Variants in PTPN3 observed in about 807,000 individuals in gnomAD.
The protein encoded by PTPN3 is tyrosine-protein phosphatase non-receptor type 3.
PTPN3 carries 96 observed loss-of-function variants against 132.7 expected under a neutral mutation model. That is an observed-to-expected ratio of 0.72 (90% CI 0.61 to 0.86). The LOEUF is 0.86. PTPN3 is among the 40% of genes least tolerant of loss of function. The pLI is 0.00. For missense variants in PTPN3, 1,125 were observed against 1,159.6 expected, an observed-to-expected ratio of 0.97 and a Z score of 0.43; for synonymous variants, 398 against 429.0, an observed-to-expected ratio of 0.93 and a Z score of 0.89.
chr9:109,481,029 A>G (rs1453546176), intron 1 of PTPN3, among the ~76,000 whole-genome samples: 3 of 152,220 alleles, frequency 2.0e-5, no homozygotes, highest in African/African-American at 7.2e-5. Context: ...CTCTTTCATA[A>G]CAAAGGAAAT....
intron 14 of PTPN3, among the ~76,000 whole-genome samples, chr9:109,418,858 C>T (rs1415635121): frequency 6.6e-6 from 1 of 152,200 alleles, no homozygotes; most frequent in East Asian, 1.9e-4. Flanking sequence ...GACTGCAAAC[C>T]ACCACAGGAA....
At chr9:109,451,996 A>C (rs1845277668) in intron 5 of PTPN3, among the ~76,000 whole-genome samples, 1 of 152,208 alleles carries the variant, frequency 6.6e-6, no homozygotes, top group Non-Finnish European at 1.5e-5. Flanking sequence ...AAGGCCGGGC[A>C]CAGAGGCTCA....
At chr9:109,509,696 C>T in the PTPN3 span, among the ~76,000 whole-genome samples, 1 of 152,142 alleles carries the variant, frequency 6.6e-6, no homozygotes, top group Admixed American at 6.6e-5. Context: ...TAAAAATGTG[C>T]ATAATACTAG....
At chr9:109,385,076 T>C (rs1839456513) in intron 22 of PTPN3, among the ~76,000 whole-genome samples, 1 of 152,224 alleles carries the variant, frequency 6.6e-6, no homozygotes, top group African/African-American at 2.4e-5. Context: ...AGATATTCTC[T>C]GATGAGATCA....
In PTPN3 at chr9:109,389,235, G is replaced by A. The variant is rs1027223044; in HGVS notation, c.2251C>T (p.Arg751Trp). The A allele has an allele frequency of 1.1e-5, 18 of 1,613,872 alleles. No individual in the cohort carries two copies. The highest frequency in any genetic ancestry group is 3.3e-5 in the Admixed American group (2 of 59,978). ...VMLTTLTERGRTKCHQYWPDP... is the reference protein window; with the variant it reads ...VMLTTLTERGWTKCHQYWPDP... ...GAATTAGAAATCAAGCTACTTACCCGCCCTCGTTCTGTGAGAGTCGTCAAC... is the reference window on the plus strand; with the variant it reads ...GAATTAGAAATCAAGCTACTTACCCACCCTCGTTCTGTGAGAGTCGTCAAC... Residue 751 changes from arginine (R) to tryptophan (W), a missense_variant and splice_region_variant, in exon 22 of 26, where the codon CGG becomes TGG. By Grantham distance (101) the Arg-to-Trp change is moderately radical. Transcript: ENST00000374541.
At chr9:109,458,552 T>C (rs557098824) in intron 2 of PTPN3, among the ~76,000 whole-genome samples, 2 of 152,268 alleles carry the variant, frequency 1.3e-5, no homozygotes, top group East Asian at 1.9e-4. Flanking sequence ...GTGACCAGCA[T>C]TGGGAGAATT....
chr9:109,485,421 C>T lies in PTPN3; in HGVS notation c.-18+12798G>A, dbSNP rs376826871. ...TACGCGGGAGGCTGAGGCAGGAGAACGGCGTGAACCTGGGAGGCGGAGCTT... is the reference window on the plus strand; with the variant it reads ...TACGCGGGAGGCTGAGGCAGGAGAATGGCGTGAACCTGGGAGGCGGAGCTT... On this transcript the variant is annotated intron_variant, in intron 1 of 25. Coordinates refer to ENST00000374541, the MANE Select transcript of PTPN3 (RefSeq NM_002829.4). 3.6e-3 allele frequency among the ~76,000 whole-genome samples: 552 copies of T among 152,052 alleles called. 4 individuals are homozygous for T. The highest frequency in any genetic ancestry group is 0.013 in the African/African-American group (522 of 41,484).
intron 2 of PTPN3, among the ~76,000 whole-genome samples, chr9:109,461,268 T>C (rs374691534): frequency 2.6e-5 from 4 of 152,172 alleles, no homozygotes; most frequent in Middle Eastern, 3.4e-3. Context: ...CGGGGAGCCA[T>C]TACAATACAG....
intron 14 of PTPN3, among the ~76,000 whole-genome samples, chr9:109,416,439 G>GT (rs1564415416): frequency 7.1e-6 from 1 of 140,360 alleles, no homozygotes; most frequent in South Asian, 2.2e-4. Context: ...TTTGTTTTTT[G>GT]TTTTTTTGTT....
At position 109,494,770 on chromosome 9, in the gene PTPN3, C is replaced by T. The variant is rs182050554; in HGVS notation, c.-18+3449G>A. Among the ~76,000 whole-genome samples the T allele has an allele frequency of 2.6e-5, 4 of 152,174 alleles. No individual in the cohort carries two copies. The East Asian group carries it at 7.7e-4, about 29-fold the overall frequency. On this transcript the variant is annotated intron_variant, in intron 1 of 25. Coordinates refer to ENST00000374541, the MANE Select transcript of PTPN3 (RefSeq NM_002829.4). ...CATATACAAACTGTCTTTCCAAATC[C>T]ACCATGAATCCTTCCAAGGCAGGGG...
chr9:109,527,218 TG>T, the PTPN3 span, among the ~76,000 whole-genome samples: 1 of 152,234 alleles, frequency 6.6e-6, no homozygotes, highest in Non-Finnish European at 1.5e-5. Flanking sequence ...CCTAGCACTT[TG>T]GGAGGCCAAG....
chr9:109,408,104 G>A (rs1256903736), intron 17 of PTPN3, among the ~76,000 whole-genome samples: 1 of 152,202 alleles, frequency 6.6e-6, no homozygotes, highest in African/African-American at 2.4e-5. Context: ...CTAAGCTGAG[G>A]CCAGAGATGC....
the PTPN3 span, among the ~76,000 whole-genome samples, chr9:109,522,331 A>C: frequency 6.6e-6 from 1 of 152,160 alleles, no homozygotes; most frequent in African/African-American, 2.4e-5. Flanking sequence ...CTCACCTCTC[A>C]AAGTTCAGAC....
At chr9:109,433,976 T>C (rs1051608161) in intron 9 of PTPN3, among the ~76,000 whole-genome samples, 2 of 150,904 alleles carry the variant, frequency 1.3e-5, no homozygotes, top group Admixed American at 6.6e-5. Context: ...ATCCAACATT[T>C]ATGCATGCCT....
intron 1 of PTPN3, among the ~76,000 whole-genome samples, chr9:109,493,674 C>T (rs988481940): frequency 6.6e-6 from 1 of 152,200 alleles, no homozygotes; most frequent in African/African-American, 2.4e-5. Flanking sequence ...CTACAGATCC[C>T]GTTCTTTGGT....
chr9:109,446,066 T>C (rs1844833382), intron 6 of PTPN3, among the ~76,000 whole-genome samples: 1 of 152,200 alleles, frequency 6.6e-6, no homozygotes, highest in Non-Finnish European at 1.5e-5. Flanking sequence ...TGCATTCAAC[T>C]GCAGACTCCA....
At chr9:109,516,583 CCAGGTGTACA>C in the PTPN3 span, among the ~76,000 whole-genome samples, 1 of 152,090 alleles carries the variant, frequency 6.6e-6, no homozygotes, top group Non-Finnish European at 1.5e-5. Context: ...TCAGGCATAG[CCAGGTGTACA>C]CAGCTTGTAT....
the PTPN3 span, among the ~76,000 whole-genome samples, chr9:109,516,638 C>T: frequency 2.6e-5 from 4 of 152,092 alleles, no homozygotes; most frequent in South Asian, 6.2e-4. Context: ...GTTCCAAGGG[C>T]ACTGGGGAGC....
At chr9:109,462,751 T>C (rs1285214583) in intron 2 of PTPN3, among the ~76,000 whole-genome samples, 1 of 152,050 alleles carries the variant, frequency 6.6e-6, no homozygotes. Flanking sequence ...AGCCCTGCCA[T>C]CTGTGAGGCT....
Sources: gnomAD v4.1 joint callset for allele counts (sites outside exome capture counted in the v4.1 genomes callset) on GRCh38, gnomAD v4.1.1 for gene constraint, MANE v1.5 for transcripts, NCBI Gene and HGNC (gene_info 2026-07-23, HGNC 2026-07-21) for gene names.